PRPF38A: variants seen among roughly 807,000 people sequenced by gnomAD.
The protein encoded by PRPF38A is pre-mRNA processing factor 38A.
In PRPF38A, 11 loss-of-function variants were observed where a neutral mutation model predicts 46.8. That is an observed-to-expected ratio of 0.24 (90% CI 0.15 to 0.39). PRPF38A has a LOEUF of 0.39. PRPF38A is among the 10% of genes least tolerant of loss of function. The pLI is 1.00. For synonymous variants in PRPF38A, 124 were observed against 136.2 expected (o/e 0.91, Z 0.62); for missense variants, 261 against 407.5 (o/e 0.64, Z 3.10).
In PRPF38A at chr1:52,418,448, T is replaced by C. The variant is rs1043102920; in HGVS notation, c.*1758T>C. ...CCAGTACACTCTTAAAATAAAACTT[T>C]GTCTTAAAATATGTTTTAAAGTAAA... On this transcript the variant is annotated 3_prime_UTR_variant, in exon 10 of 10. Transcript: ENST00000257181. 3 of 152,100 alleles carry C rather than the reference T, an allele frequency of 2.0e-5. No homozygotes were observed. Among genetic ancestry groups the C allele is most frequent in the Non-Finnish European group, 2.9e-5 (2 of 68,036 alleles). 9.4% of individuals were successfully genotyped at this position (152,100 alleles called of 1,614,324 possible). A position where few individuals can be genotyped will look rare whatever the true frequency, so the allele number is the denominator to read the frequency against.
At position 52,416,860 on chromosome 1, in the gene PRPF38A, T is replaced by C; in HGVS notation, c.*170T>C. 1 of 623,088 alleles carries C rather than the reference T, an allele frequency of 1.6e-6. No homozygotes were observed. Among genetic ancestry groups the C allele is most frequent in the South Asian group, 1.9e-5 (1 of 51,454 alleles). 38.6% of individuals were successfully genotyped at this position (623,088 alleles called of 1,614,324 possible). A position where few individuals can be genotyped will look rare whatever the true frequency, so the allele number is the denominator to read the frequency against. ...GGAGGTGCTGAGTTTTGTATCTTTT[T>C]AATCATAATCAACATCAGTTTTTGA... is the stretch of plus-strand genomic sequence containing the variant. On this transcript the variant is annotated 3_prime_UTR_variant, in exon 10 of 10. Transcript: ENST00000257181.
intron 9 of PRPF38A, 26 bp from the exon 10 acceptor site, chr1:52,416,622 A>G: frequency 1.3e-6 from 2 of 1,595,394 alleles, no homozygotes; most frequent in Non-Finnish European, 1.7e-6. Flanking sequence ...TCTTAATATA[A>G]TTATTTATAT....
chr1:52,404,646 A>G lies in PRPF38A; in HGVS notation c.-104A>G. ...TTCAAGATGGTCGCCTAAGCTGTTT[A>G]GTGAAACTTCTTCCACCTTTCTCCA... On this transcript the variant is annotated 5_prime_UTR_variant, in exon 1 of 10. Transcript: ENST00000257181. 3 of 1,316,846 alleles carry G rather than the reference A, an allele frequency of 2.3e-6. No homozygotes were observed. Among genetic ancestry groups the G allele is most frequent in the South Asian group, 2.8e-5 (2 of 71,672 alleles). 81.6% of individuals were successfully genotyped at this position (1,316,846 alleles called of 1,614,324 possible). A position where few individuals can be genotyped will look rare whatever the true frequency, so the allele number is the denominator to read the frequency against.
chr1:52,414,460 C>T (rs751353666), intron 6 of PRPF38A, among the ~76,000 whole-genome samples, 161 bp from the exon 7 acceptor site: 1 of 152,086 alleles, frequency 6.6e-6, no homozygotes, highest in Non-Finnish European at 1.5e-5. Context: ...TGTCACCAGT[C>T]CTAAAGTTAG....
At chr1:52,411,602 G>A (rs545754379) in intron 4 of PRPF38A, among the ~76,000 whole-genome samples, 7 of 151,664 alleles carry the variant, frequency 4.6e-5, no homozygotes, top group African/African-American at 1.7e-4. Context: ...CTTCATGAAC[G>A]TTTTTTTTAA....
chr1:52,404,996 T>C, intron 1 of PRPF38A, 117 bp downstream of exon 1: 1 of 1,279,492 alleles, frequency 7.8e-7, no homozygotes, highest in Non-Finnish European at 1.1e-6. Flanking sequence ...AGTATGTCGA[T>C]CATTCAGAAA....
At chr1:52,408,828 C>A in intron 3 of PRPF38A, 138 bp downstream of exon 3, 1 of 1,109,746 alleles carries the variant, frequency 9.0e-7, no homozygotes, top group Non-Finnish European at 1.3e-6. Flanking sequence ...GCAGGTTTTC[C>A]CTTGTCCCTC....
chr1:52,415,664 T>A (rs950917390), intron 9 of PRPF38A, among the ~76,000 whole-genome samples: 5 of 151,894 alleles, frequency 3.3e-5, no homozygotes, highest in East Asian at 3.9e-4. Context: ...ATACCTGTTT[T>A]GCTTTACAGG....
At chr1:52,407,488 G>A (rs1474795646) in intron 2 of PRPF38A, among the ~76,000 whole-genome samples, 1 of 152,224 alleles carries the variant, frequency 6.6e-6, no homozygotes, top group Non-Finnish European at 1.5e-5. Flanking sequence ...CACATGATTT[G>A]ACCAGTAGTG....
intron 2 of PRPF38A, among the ~76,000 whole-genome samples, chr1:52,406,509 T>G (rs1460880265): frequency 6.6e-6 from 1 of 151,894 alleles, no homozygotes; most frequent in Non-Finnish European, 1.5e-5. Flanking sequence ...ACATCCAGAT[T>G]CTGTTGCCCA....
chr1:52,405,696 TAA>T lies in PRPF38A; in HGVS notation c.149_150del (p.Lys50SerfsTer44), dbSNP rs1157353529. ...GTTTTTTAGCTGAACTTGTAGTCGA[TAA>T]AGCCATGGAGTTAAGGTTTGTGGGT... ...FGLTAELVVD[K>X]AMELRFVGGV... On this transcript the variant is annotated frameshift_variant, in exon 2 of 10. Coordinates refer to ENST00000257181, the MANE Select transcript of PRPF38A (RefSeq NM_032864.4). LOFTEE classifies it high-confidence loss of function. 6.2e-7 allele frequency: 1 copy of T among 1,613,296 alleles called. No homozygotes were observed. Among genetic ancestry groups the T allele is most frequent in the Admixed American group, 1.7e-5 (1 of 59,992 alleles).
At chr1:52,410,362 C>T in intron 3 of PRPF38A, among the ~76,000 whole-genome samples, 1 of 150,014 alleles carries the variant, frequency 6.7e-6, no homozygotes, top group East Asian at 1.9e-4. Flanking sequence ...AACACCTCAG[C>T]TCTGCCATAT....
rs1359583988 is a variant in PRPF38A at position 52,420,502 on chromosome 1, T to C, written c.*3812T>C. The stretch of plus-strand genomic sequence containing the variant: ...GAAAAAAAAATAGCCTCTTTATTGT[T>C]TTCCGTAATTGTCCTTAATTTTAGG... On this transcript the variant is annotated 3_prime_UTR_variant, in exon 10 of 10. Transcript: ENST00000257181. 2 of 152,224 alleles carry C rather than the reference T, an allele frequency of 1.3e-5. No homozygotes were observed. Among genetic ancestry groups the C allele is most frequent in the African/African-American group, 4.8e-5 (2 of 41,474 alleles). 9.4% of individuals were successfully genotyped at this position (152,224 alleles called of 1,614,324 possible). A position where few individuals can be genotyped will look rare whatever the true frequency, so the allele number is the denominator to read the frequency against.
At position 52,415,361 on chromosome 1, in the gene PRPF38A, A is replaced by T; in HGVS notation, c.871A>T (p.Arg291Trp). The T allele has an allele frequency of 6.2e-7, 1 of 1,613,950 alleles. No individual in the cohort carries two copies. Among genetic ancestry groups the T allele is most frequent in the Non-Finnish European group, 8.5e-7 (1 of 1,179,852 alleles). The stretch of plus-strand genomic sequence containing the variant: ...AGGTCATCACCGTAGTCACAGACAC[A>T]GGAGCCACTCAAAGTCTCCCGAAAG... The part of the protein sequence containing the change: ...SPGHHRSHRH[R>W]SHSKSPERSK... Residue 291 changes from arginine to tryptophan, a missense_variant, in exon 9 of 10, where the codon AGG becomes TGG. Arg to Trp is a moderately radical substitution (Grantham distance 101, BLOSUM62 -3). This residue lies in a region of PRPF38A where 180 missense variants were observed against 221.0 expected (regional missense o/e 0.81). Transcript: ENST00000257181.
rs1304179857 is a variant in PRPF38A at position 52,418,234 on chromosome 1, G to T, written c.*1544G>T. On this transcript the variant is annotated 3_prime_UTR_variant, in exon 10 of 10. Transcript: ENST00000257181. ...TTTCGTAATACCTGAGTTAATAAAA[G>T]TGGTCTGAAAGAGCTCTTACGGTTT... 1 of 152,520 alleles carries T rather than the reference G, an allele frequency of 6.6e-6. No homozygotes were observed. Among genetic ancestry groups the T allele is most frequent in the Non-Finnish European group, 1.5e-5 (1 of 68,036 alleles). The allele number at this position is 152,520 out of a possible 1,614,324, so 9.4% of individuals were successfully genotyped here.
chr1:52,405,581 T>TG, intron 1 of PRPF38A, 99 bp from the exon 2 acceptor site: 2 of 1,033,200 alleles, frequency 1.9e-6, no homozygotes, highest in Non-Finnish European at 2.9e-6. Context: ...AATATTACAC[T>TG]GTTGATGTAT....
chr1:52,415,454 T>G, intron 9 of PRPF38A, 68 bp downstream of exon 9: 1 of 1,401,266 alleles, frequency 7.1e-7, no homozygotes, highest in Non-Finnish European at 1.0e-6. Flanking sequence ...GACCTGAAAT[T>G]TTCTTGTTTT....
rs533907379 is a variant in PRPF38A at position 52,419,475 on chromosome 1, A to G, written c.*2785A>G. The G allele has an allele frequency of 6.6e-6, 1 of 152,276 alleles. No homozygotes were observed. Among genetic ancestry groups the G allele is most frequent in the African/African-American group, 2.4e-5 (1 of 41,558 alleles). The allele number at this position is 152,276 out of a possible 1,614,324, so 9.4% of individuals were successfully genotyped here. A position where few individuals can be genotyped will look rare whatever the true frequency, so the allele number is the denominator to read the frequency against. ...TGTTTGTTATTCTTCAGTAGACCGA[A>G]GTTTAAATAAGCATTATTTAGAAAA... is the stretch of plus-strand genomic sequence containing the variant. On this transcript the variant is annotated 3_prime_UTR_variant, in exon 10 of 10. Coordinates refer to ENST00000257181, the MANE Select transcript of PRPF38A (RefSeq NM_032864.4).
rs1199468583 is a variant in PRPF38A, at chr1:52,404,684, C to T, written c.-66C>T. ...CCACCTTTCTCCATTCCTCTAGGTG[C>T]TTTTTCTGAACCTGGATGTGAGGCA... On this transcript the variant is annotated 5_prime_UTR_variant, in exon 1 of 10. Transcript: ENST00000257181. 6.4e-7 allele frequency: 1 copy of T among 1,556,520 alleles called. No individual in the cohort carries two copies. Among genetic ancestry groups the T allele is most frequent in the Non-Finnish European group, 8.7e-7 (1 of 1,148,590 alleles).
Sources: gnomAD v4.1 joint callset for allele counts (sites outside exome capture counted in the v4.1 genomes callset) on GRCh38, gnomAD v4.1.1 for gene constraint, gnomAD v4.1.1 regional missense constraint, MANE v1.5 for transcripts, NCBI Gene and HGNC (gene_info 2026-07-23, HGNC 2026-07-21) for gene names.